The following TARBP1 variants were observed in gnomAD, a reference collection of about 807,000 sequenced individuals.
TARBP1 encodes tRNA guanosine 2 -O-methyltransferase TARBP1.
In TARBP1, 144 loss-of-function variants were observed where a neutral mutation model predicts 178.6. The ratio of observed to expected loss-of-function variants is 0.81; its 90% CI spans 0.70 to 0.93. TARBP1 has a LOEUF of 0.93. Among genes scored for constraint, TARBP1 ranks in the 40% least tolerant of loss-of-function variants. The pLI is 0.00. For missense variants in TARBP1, 2,067 were observed against 2,011.7 expected (o/e 1.03, Z -0.53); for synonymous variants, 787 against 781.0 (o/e 1.01, Z -0.13).
intron 2 of TARBP1, among the ~76,000 whole-genome samples, chr1:234,471,509 T>G (rs538259497): frequency 1.3e-5 from 2 of 152,360 alleles, no homozygotes; most frequent in South Asian, 4.1e-4. Flanking sequence ...TCATAAATCA[T>G]GTCATAGAAT....
chr1:234,416,714 T>C (rs568011081), intron 22 of TARBP1, among the ~76,000 whole-genome samples: 11 of 152,186 alleles, frequency 7.2e-5, no homozygotes, highest in African/African-American at 1.2e-4. Context: ...CTGCTGCTTA[T>C]GGTGACACCC....
At chr1:234,415,179 C>CT (rs1357893812) in intron 22 of TARBP1, among the ~76,000 whole-genome samples, 3 of 151,954 alleles carry the variant, frequency 2.0e-5, no homozygotes, top group African/African-American at 4.8e-5. Flanking sequence ...GACCATTTGG[C>CT]TAAGGAGAGA....
chr1:234,465,577 A>C, intron 5 of TARBP1, 79 bp downstream of exon 5: 2 of 1,343,610 alleles, frequency 1.5e-6, no homozygotes, highest in Non-Finnish European at 2.0e-6. Context: ...TGTATGTGCC[A>C]AATGCATGAA....
At position 234,398,550 on chromosome 1, in the gene TARBP1, T is replaced by C. The variant is rs3738616; in HGVS notation, c.4075A>G (p.Ile1359Val). Residue 1359 changes from isoleucine (I) to valine (V), a missense_variant, in exon 26 of 30, where the codon ATA becomes GTA. By Grantham distance (29) the Ile-to-Val change is conservative. Coordinates refer to ENST00000040877, the MANE Select transcript of TARBP1 (RefSeq NM_005646.4). ...GAAAGGCGTGGAAGGATGTAAAATA[T>C]GGTCTGAAAAGAGAATTATAAAATC... ...HPLKDYCLET[I>V]FYILPRLSGL... 24 of 1,564,742 alleles carry C rather than the reference T, an allele frequency of 1.5e-5. No individual in the cohort carries two copies. In the East Asian group the frequency reaches 5.2e-4, roughly 34 times the overall value.
intron 20 of TARBP1, among the ~76,000 whole-genome samples, chr1:234,424,550 T>C (rs1012673692): frequency 1.3e-5 from 2 of 152,278 alleles, no homozygotes; most frequent in East Asian, 1.9e-4. Flanking sequence ...AGCAATCAAT[T>C]CCTAACATTT....
chr1:234,401,969 C>A (rs1660714571), intron 24 of TARBP1, among the ~76,000 whole-genome samples: 1 of 152,164 alleles, frequency 6.6e-6, no homozygotes, highest in African/African-American at 2.4e-5. Context: ...CTTCAAAGGG[C>A]AATACCCTGC....
At chr1:234,474,822 G>A (rs1044077384) in intron 1 of TARBP1, among the ~76,000 whole-genome samples, 1 of 152,156 alleles carries the variant, frequency 6.6e-6, no homozygotes, top group Non-Finnish European at 1.5e-5. Context: ...ATAGGAGATC[G>A]TTATTGTCAT....
At chr1:234,458,733 TAG>T (rs1427638259) in intron 8 of TARBP1, among the ~76,000 whole-genome samples, 1 of 152,090 alleles carries the variant, frequency 6.6e-6, no homozygotes, top group Non-Finnish European at 1.5e-5. Context: ...AGGGGAAATG[TAG>T]AGAGGGAACA....
intron 8 of TARBP1, among the ~76,000 whole-genome samples, chr1:234,457,962 T>C (rs270516): frequency 0.21 from 31,280 of 151,690 alleles, 4,086 homozygotes; most frequent in African/African-American, 0.37. Flanking sequence ...AGATACCATG[T>C]TAACTTAAAA....
chr1:234,401,946 G>A (rs1317208355), intron 24 of TARBP1, among the ~76,000 whole-genome samples: 2 of 151,994 alleles, frequency 1.3e-5, no homozygotes, highest in African/African-American at 2.4e-5. Context: ...CTCCTTCACT[G>A]TCAAGAGTCT....
At chr1:234,420,978 A>G (rs573749770) in intron 20 of TARBP1, among the ~76,000 whole-genome samples, 166 bp from the exon 21 acceptor site, 6 of 152,402 alleles carry the variant, frequency 3.9e-5, no homozygotes, top group Non-Finnish European at 5.9e-5. Context: ...GCACCTTAAA[A>G]TATTTCAAAC....
At chr1:234,465,734 C>T (rs961845092) in intron 4 of TARBP1, 26 bp from the exon 5 acceptor site, 38 of 1,388,046 alleles carry the variant, frequency 2.7e-5, no homozygotes, top group Admixed American at 4.5e-5. Flanking sequence ...AAAAAAGACA[C>T]GTAATTGAAA....
chr1:234,444,178 A>T (rs923666598), intron 12 of TARBP1, among the ~76,000 whole-genome samples: 16 of 152,116 alleles, frequency 1.1e-4, no homozygotes, highest in Non-Finnish European at 1.5e-4. Context: ...TCAGGAAGAA[A>T]AGTTCCAATA....
rs563481719 is a variant in TARBP1, at chr1:234,429,523, C to G, written c.2764G>C (p.Val922Leu). 1 of 1,614,094 alleles carries G rather than the reference C, an allele frequency of 6.2e-7. No homozygotes were observed. The highest frequency in any genetic ancestry group is 2.2e-5 in the East Asian group (1 of 44,880). ...TGCAAAGTCCTTATTGGCATCTGAA[C>G]GGCAGGTAGAAACGGTTCCAGAATT... The part of the protein sequence containing the change: ...SEILEPFLPA[V>L]QMPIRTLQSA... The change falls in exon 16 of 30, where the codon GTT becomes CTT. Residue 922 changes from valine to leucine, a missense_variant. Physicochemically the swap from Val to Leu is conservative, Grantham distance 32. Coordinates refer to ENST00000040877, the MANE Select transcript of TARBP1 (RefSeq NM_005646.4).
intron 24 of TARBP1, chr1:234,405,370 G>C (rs1172195103): frequency 3.3e-5 from 5 of 152,418 alleles, no homozygotes; most frequent in African/African-American, 1.2e-4. Flanking sequence ...CGGGGAAAGA[G>C]AGGCAGACAT....
At chr1:234,417,990 G>C in intron 22 of TARBP1, 94 bp downstream of exon 22, 1 of 753,290 alleles carries the variant, frequency 1.3e-6, no homozygotes, top group Non-Finnish European at 1.9e-6. Flanking sequence ...GGGCAACTGA[G>C]AGTCAAAAAC....
intron 9 of TARBP1, among the ~76,000 whole-genome samples, chr1:234,455,722 T>A (rs963470319): frequency 3.9e-5 from 6 of 152,002 alleles, no homozygotes; most frequent in African/African-American, 1.2e-4. Context: ...TCACGTAAAT[T>A]CATTACCCAT....
intron 23 of TARBP1, among the ~76,000 whole-genome samples, chr1:234,409,884 G>A (rs944365104): frequency 1.3e-5 from 2 of 152,124 alleles, no homozygotes; most frequent in East Asian, 1.9e-4. Context: ...ATTCTTCAAC[G>A]GCTGCCATAG....
chr1:234,460,968 T>C (rs919357021), intron 6 of TARBP1, among the ~76,000 whole-genome samples: 7 of 152,142 alleles, frequency 4.6e-5, no homozygotes, highest in African/African-American at 1.7e-4. Flanking sequence ...TCCACTGACA[T>C]GAAATGTTGA....
Sources: allele counts gnomAD v4.1 joint callset (sites outside exome capture counted in the v4.1 genomes callset), GRCh38; gene constraint gnomAD v4.1.1; transcripts MANE v1.5; gene names NCBI Gene and HGNC (gene_info 2026-07-23, HGNC 2026-07-21).